The following MACROD1 variants were observed in gnomAD, a reference collection of about 807,000 sequenced individuals.
MACROD1 encodes the protein mono-ADP ribosylhydrolase 1.
In MACROD1, 31 loss-of-function variants were observed where a neutral mutation model predicts 41.4. That is an observed-to-expected ratio of 0.75 (90% confidence interval 0.56 to 1.01). MACROD1 has a LOEUF of 1.01. Among genes scored for constraint, MACROD1 ranks in the 50% least tolerant of loss-of-function variants. The pLI, the probability that MACROD1 is intolerant of heterozygous loss-of-function variation, is 0.00. For synonymous variants in MACROD1, 252 were observed against 203.4 expected (o/e 1.24, Z -2.03); for missense variants, 473 against 460.0 (o/e 1.03, Z -0.26).
At chr11:64,087,298 A>C (rs1307249836) in intron 3 of MACROD1, 1 of 152,236 alleles carries the variant, frequency 6.6e-6, no homozygotes, top group Non-Finnish European at 1.5e-5. Context: ...TGCTCCTGTC[A>C]CTTCGGATGT....
rs148353008 is a variant in MACROD1 at position 64,067,608 on chromosome 11, C to T, written c.518-52327G>A. ...CTCCCTCCTGTCCCTAGGTGGGTGA[C>T]GCACCAACATGCCCGTGGCCTCCGG... On this transcript the variant is annotated intron_variant, in intron 3 of 10. Transcript: ENST00000255681. This position sits in a 1 kb window ranked among gnomAD's most constrained non-coding sequence, Gnocchi z 4.6. Among the ~76,000 whole-genome samples, 19 of 152,214 alleles carry T rather than the reference C, an allele frequency of 1.2e-4. No individual in the cohort carries two copies. The highest frequency in any genetic ancestry group is 3.4e-3 in the Middle Eastern group (1 of 294).
rs1007588956 is a variant in MACROD1 at position 64,151,413 on chromosome 11, AGCCAGGGCCCAGGG to A, written c.401-72_401-59del. ...GAGGCTGCCCACTGCAGAGGGACCC[AGCCAGGGCCCAGGG>A]GCCAGGGCCTTCCCTATCGACCTCC... On this transcript the variant is annotated intron_variant, in intron 2 of 10. Transcript: ENST00000255681. 107 of 1,351,554 alleles carry A rather than the reference AGCCAGGGCCCAGGG, an allele frequency of 7.9e-5. 1 individual carries two copies. The highest frequency in any genetic ancestry group is 6.1e-4 in the South Asian group (52 of 85,916). 83.7% of individuals were successfully genotyped at this position (1,351,554 alleles called of 1,614,324 possible). A position where few individuals can be genotyped will look rare whatever the true frequency, so the allele number is the denominator to read the frequency against.
chr11:64,072,039 C>T (rs183559194), intron 3 of MACROD1, among the ~76,000 whole-genome samples: 109 of 152,308 alleles, frequency 7.2e-4, no homozygotes, highest in African/African-American at 2.6e-3. Flanking sequence ...TTGACCGCCG[C>T]GCGCACTAAA....
chr11:64,052,717 C>T (rs1943716763), intron 3 of MACROD1, among the ~76,000 whole-genome samples: 2 of 152,250 alleles, frequency 1.3e-5, no homozygotes, highest in African/African-American at 2.4e-5. Context: ...GCCAAGTAGC[C>T]TGCCACAACC....
intron 4 of MACROD1, among the ~76,000 whole-genome samples, chr11:64,011,441 G>A (rs1943015323): frequency 6.6e-6 from 1 of 151,856 alleles, no homozygotes; most frequent in South Asian, 2.1e-4. Context: ...GAGGGGATGG[G>A]ATGTGGGTGC....
At chr11:64,054,234 AC>A (rs970322480) in intron 3 of MACROD1, among the ~76,000 whole-genome samples, 13 of 152,186 alleles carry the variant, frequency 8.5e-5, no homozygotes, top group African/African-American at 2.4e-4. Flanking sequence ...GAGAGGACAG[AC>A]CATAGCCTGC....
Position 64,165,989 on chromosome 11 carries a change from A to C in MACROD1, c.6T>G (p.Ser2=). Reference sequence around the variant, plus strand: ...GGCGGCCGGACAGTCGGCTCTGTAGAGACATGAGCGGGCGGCGCGGGACGG... The same window carrying C: ...GGCGGCCGGACAGTCGGCTCTGTAGCGACATGAGCGGGCGGCGCGGGACGG... M[S]LQSRLSGRLA... Residue 2 remains serine, a synonymous_variant, in exon 1 of 11, where the codon TCT becomes TCG. Coordinates refer to ENST00000255681, the MANE Select transcript of MACROD1 (RefSeq NM_014067.4). 1.6e-6 allele frequency: 2 copies of C among 1,265,942 alleles called. No homozygotes were observed. The highest frequency in any genetic ancestry group is 2.0e-6 in the Non-Finnish European group (2 of 1,009,530). 78.4% of individuals were successfully genotyped at this position (1,265,942 alleles called of 1,614,324 possible). A position where few individuals can be genotyped will look rare whatever the true frequency, so the allele number is the denominator to read the frequency against.
chr11:64,031,099 G>T (rs949476589), intron 3 of MACROD1, among the ~76,000 whole-genome samples: 2 of 152,164 alleles, frequency 1.3e-5, no homozygotes, highest in African/African-American at 4.8e-5. Flanking sequence ...AGGCACTGGA[G>T]CAGGGCTGGA....
chr11:64,139,969 A>AC (rs1305845100), intron 3 of MACROD1, among the ~76,000 whole-genome samples: 1 of 147,876 alleles, frequency 6.8e-6, no homozygotes, highest in African/African-American at 2.5e-5. Flanking sequence ...AAAAGAAAAA[A>AC]AAAAGAGGCA....
At chr11:64,134,678 T>C (rs1423583033) in intron 3 of MACROD1, among the ~76,000 whole-genome samples, 1 of 152,166 alleles carries the variant, frequency 6.6e-6, no homozygotes, top group Non-Finnish European at 1.5e-5. Flanking sequence ...ACAGCAATAC[T>C]TCCAGCACCC....
At chr11:64,040,596 G>A (rs922417799) in intron 3 of MACROD1, among the ~76,000 whole-genome samples, 2 of 152,250 alleles carry the variant, frequency 1.3e-5, no homozygotes, top group African/African-American at 4.8e-5. Flanking sequence ...TTTCCCGAGA[G>A]CTGTGTGTTC....
At position 64,116,325 on chromosome 11, in the gene MACROD1, G is replaced by C. The variant is rs1166546652; in HGVS notation, c.517+34914C>G. ...CACCACGCCCACTGCCACTGTCACGGCCACCGTTGTGATGACCACGGCCAC... is the reference window on the plus strand; with the variant it reads ...CACCACGCCCACTGCCACTGTCACGCCCACCGTTGTGATGACCACGGCCAC... On this transcript the variant is annotated intron_variant, in intron 3 of 10. Coordinates refer to ENST00000255681, the MANE Select transcript of MACROD1 (RefSeq NM_014067.4). 4.3e-6 allele frequency: 7 copies of C among 1,609,792 alleles called. No individual in the cohort carries two copies. In the East Asian group the frequency reaches 1.6e-4, roughly 36 times the overall value.
At chr11:64,115,795 G>A (rs146630052) in intron 3 of MACROD1, among the ~76,000 whole-genome samples, 2,122 of 152,250 alleles carry the variant, frequency 0.014, 32 homozygotes, top group South Asian at 0.09. Flanking sequence ...CATAAAACAC[G>A]CCCTAAATCC....
chr11:64,165,832 C>T lies in MACROD1; in HGVS notation c.163G>A (p.Ala55Thr). Reference sequence around the variant, plus strand: ...GCCCCAACTCCCGCCGAGGTCCGCGCACGGCGGCCGAACACGCCCAGGAAC... The same window carrying T: ...GCCCCAACTCCCGCCGAGGTCCGCGTACGGCGGCCGAACACGCCCAGGAAC... ...PAFLGVFGRRARTSAGVGAWG... is the reference protein window; with the variant it reads ...PAFLGVFGRRTRTSAGVGAWG... Residue 55 changes from alanine (A) to threonine (T), a missense_variant, in exon 1 of 11, where the codon GCG becomes ACG. Physicochemically the swap from Ala to Thr is moderately conservative, Grantham distance 58. Coordinates refer to ENST00000255681, the MANE Select transcript of MACROD1 (RefSeq NM_014067.4). 1 of 1,477,228 alleles carries T rather than the reference C, an allele frequency of 6.8e-7. No individual in the cohort carries two copies. The highest frequency in any genetic ancestry group is 9.0e-7 in the Non-Finnish European group (1 of 1,115,484). The allele number at this position is 1,477,228 out of a possible 1,614,324, so 91.5% of individuals were successfully genotyped here. A position where few individuals can be genotyped will look rare whatever the true frequency, so the allele number is the denominator to read the frequency against.
chr11:64,071,752 G>A (rs1394844536), intron 3 of MACROD1, among the ~76,000 whole-genome samples: 1 of 152,214 alleles, frequency 6.6e-6, no homozygotes, highest in Non-Finnish European at 1.5e-5. Context: ...CAGATGGCAG[G>A]AGACTGGCCT....
At chr11:64,023,757 C>T (rs1002970881) in intron 3 of MACROD1, among the ~76,000 whole-genome samples, 1 of 152,180 alleles carries the variant, frequency 6.6e-6, no homozygotes, top group Non-Finnish European at 1.5e-5. Flanking sequence ...TCCCACACAC[C>T]TCCAGGTGCC....
intron 3 of MACROD1, among the ~76,000 whole-genome samples, chr11:64,093,268 T>C (rs1944521824): frequency 1.3e-5 from 2 of 152,362 alleles, no homozygotes; most frequent in South Asian, 4.1e-4. Context: ...ATCTCAGCTC[T>C]GTGTGCCTGG....
intron 3 of MACROD1, among the ~76,000 whole-genome samples, chr11:64,073,967 G>A (rs1944155787): frequency 6.6e-6 from 1 of 152,138 alleles, no homozygotes; most frequent in Admixed American, 6.5e-5. Context: ...CCCCCAGGGT[G>A]CTTTGGAGGC....
At chr11:64,059,671 A>G (rs373946430) in intron 3 of MACROD1, among the ~76,000 whole-genome samples, 2 of 152,218 alleles carry the variant, frequency 1.3e-5, no homozygotes, top group East Asian at 1.9e-4. Context: ...GCAGTGGTGC[A>G]GATGGGGAAA....
Sources: allele counts gnomAD v4.1 joint callset (sites outside exome capture counted in the v4.1 genomes callset), GRCh38; gene constraint gnomAD v4.1.1; non-coding constraint Gnocchi (gnomAD v3.1); transcripts MANE v1.5; gene names NCBI Gene and HGNC (gene_info 2026-07-23, HGNC 2026-07-21).